Variants in TRIM2 observed in about 807,000 individuals in gnomAD.
TRIM2 encodes the protein tripartite motif-containing protein 2.
In TRIM2, 20 loss-of-function variants were observed where a neutral mutation model predicts 75.2. The observed-to-expected ratio is 0.27, with a 90% confidence interval of 0.19 to 0.39. The LOEUF is 0.39. Among genes scored for constraint, TRIM2 ranks in the 10% least tolerant of loss-of-function variants. The pLI, the probability that TRIM2 is intolerant of heterozygous loss-of-function variation, is 1.00. For synonymous variants in TRIM2, 373 were observed against 388.3 expected (o/e 0.96, Z 0.46); for missense variants, 660 against 990.8 (o/e 0.67, Z 4.48).
intron 1 of TRIM2, among the ~76,000 whole-genome samples, chr4:153,220,549 G>T (rs530955615): frequency 1.5e-4 from 23 of 152,296 alleles, no homozygotes; most frequent in African/African-American, 5.5e-4. Flanking sequence ...CATCCAGAAT[G>T]TGAGAACTCA....
At chr4:153,328,478 T>A in intron 10 of TRIM2, 52 bp from the exon 11 acceptor site, 1 of 1,499,976 alleles carries the variant, frequency 6.7e-7, no homozygotes, top group Non-Finnish European at 9.1e-7. Context: ...TCCATCATGT[T>A]GGTTCAAGTA....
At chr4:153,276,246 A>T in intron 3 of TRIM2, 116 bp downstream of exon 3, 1 of 877,710 alleles carries the variant, frequency 1.1e-6, no homozygotes, top group Non-Finnish European at 1.8e-6. Flanking sequence ...AAAAATCAGT[A>T]ATTAAAAAAG....
At chr4:153,312,447 C>A (rs990792541) in intron 6 of TRIM2, among the ~76,000 whole-genome samples, 7 of 152,014 alleles carry the variant, frequency 4.6e-5, no homozygotes, top group Middle Eastern at 3.2e-3. Context: ...CCAAAAAACA[C>A]ATGAAAAAAT....
chr4:153,216,718 G>A (rs1268258771), intron 1 of TRIM2, among the ~76,000 whole-genome samples: 1 of 152,162 alleles, frequency 6.6e-6, no homozygotes, highest in Admixed American at 6.6e-5. Context: ...CAGGAGGTTT[G>A]GTGTCTGCTG....
intron 1 of TRIM2, among the ~76,000 whole-genome samples, chr4:153,263,057 A>G (rs1365253382): frequency 2.0e-5 from 3 of 152,196 alleles, no homozygotes; most frequent in Admixed American, 6.5e-5. Flanking sequence ...GAGGCTGGGC[A>G]TGGTGGTTCA....
rs1269560660 is a variant in TRIM2, at chr4:153,276,364, A to G, written c.453+234A>G. On this transcript the variant is annotated intron_variant, in intron 3 of 11. Coordinates refer to ENST00000338700, the MANE Select transcript of TRIM2 (RefSeq NM_015271.5). ...CTTCACACATATTGTTGGTATCCCC[A>G]GGACAGCAAACCAGTAGCTATTTGC... 1.3e-5 allele frequency: 7 copies of G among 559,614 alleles called. No homozygotes were observed. In the East Asian group the frequency reaches 1.7e-4, roughly 13 times the overall value. 34.7% of individuals were successfully genotyped at this position (559,614 alleles called of 1,614,324 possible). A position where few individuals can be genotyped will look rare whatever the true frequency, so the allele number is the denominator to read the frequency against.
chr4:153,200,486 T>A (rs941109817), upstream of TRIM2, among the ~76,000 whole-genome samples: 4 of 152,226 alleles, frequency 2.6e-5, no homozygotes, highest in African/African-American at 9.6e-5. Context: ...ATAGTGCTGC[T>A]ATGAATATGG....
At chr4:153,284,400 C>T (rs548317184) in intron 3 of TRIM2, among the ~76,000 whole-genome samples, 7 of 151,576 alleles carry the variant, frequency 4.6e-5, no homozygotes, top group Admixed American at 2.6e-4. Flanking sequence ...ATGGGGTTTC[C>T]GCTGTGTTGG....
intron 1 of TRIM2, among the ~76,000 whole-genome samples, chr4:153,231,619 T>C (rs1743641542): frequency 6.6e-6 from 1 of 152,142 alleles, no homozygotes; most frequent in Admixed American, 6.5e-5. Flanking sequence ...GGATCTTCAG[T>C]GCCTATTGGA....
intron 1 of TRIM2, among the ~76,000 whole-genome samples, chr4:153,232,204 A>C (rs1261125956): frequency 6.6e-6 from 1 of 152,204 alleles, no homozygotes; most frequent in Non-Finnish European, 1.5e-5. Context: ...ATTCAACTCT[A>C]ACAGCCACCT....
Position 153,155,147 on chromosome 4 carries a change from A to G in TRIM2, c.-49+1877A>G, listed in dbSNP as rs150222819. ...AGGGTGAGACTCCGTCTCAAAAAAA[A>G]AGAAAGAAAGAAAAAATGTGTCCCA... On this transcript the variant is annotated intron_variant, in intron 1 of 11. Coordinates refer to the TRIM2 transcript ENST00000437508. Among the ~76,000 whole-genome samples, 46 of 152,322 alleles carry G rather than the reference A, an allele frequency of 3.0e-4. 1 individual carries two copies. Among genetic ancestry groups the G allele is most frequent in the Middle Eastern group, 6.8e-3 (2 of 294 alleles).
At chr4:153,298,440 A>G (rs1275198482) in intron 6 of TRIM2, among the ~76,000 whole-genome samples, 1 of 152,116 alleles carries the variant, frequency 6.6e-6, no homozygotes, top group African/African-American at 2.4e-5. Flanking sequence ...GTCCTCACAT[A>G]GTCATCTCTT....
chr4:153,321,667 A>G (rs1453387710), intron 8 of TRIM2, among the ~76,000 whole-genome samples: 1 of 152,170 alleles, frequency 6.6e-6, no homozygotes, highest in Admixed American at 6.5e-5. Flanking sequence ...CCCTGAGTAC[A>G]CAATGGTGAA....
At chr4:153,292,048 G>T (rs1002124410) in intron 3 of TRIM2, among the ~76,000 whole-genome samples, 1 of 152,200 alleles carries the variant, frequency 6.6e-6, no homozygotes, top group African/African-American at 2.4e-5. Flanking sequence ...AGTTCTCAAA[G>T]TGTGGTCCAG....
intron 1 of TRIM2, among the ~76,000 whole-genome samples, chr4:153,222,006 AGAAG>A (rs1409192705): frequency 7.0e-5 from 3 of 42,890 alleles, no homozygotes; most frequent in African/African-American, 1.5e-4. Flanking sequence ...AAGGAAGGAA[AGAAG>A]GAAGGAAAGA....
chr4:153,286,244 G>T (rs1160109539), intron 3 of TRIM2, among the ~76,000 whole-genome samples: 2 of 152,034 alleles, frequency 1.3e-5, no homozygotes, highest in East Asian at 1.9e-4. Context: ...ATTTTATTAA[G>T]AATTTTTTCA....
At chr4:153,184,167 A>T (rs1732355228) in intron 1 of TRIM2, among the ~76,000 whole-genome samples, 1 of 152,170 alleles carries the variant, frequency 6.6e-6, no homozygotes, top group Non-Finnish European at 1.5e-5. Context: ...CTGCCATAGC[A>T]AAATACCATG....
At chr4:153,306,454 G>A (rs1390923227) in intron 6 of TRIM2, among the ~76,000 whole-genome samples, 1 of 152,186 alleles carries the variant, frequency 6.6e-6, no homozygotes, top group East Asian at 1.9e-4. Context: ...GCAGTTTGCA[G>A]TATAGGTTTG....
chr4:153,212,466 TAAA>T (rs763942852), intron 1 of TRIM2, among the ~76,000 whole-genome samples: 11 of 152,148 alleles, frequency 7.2e-5, no homozygotes, highest in Admixed American at 1.3e-4. Context: ...ATGAGTACAC[TAAA>T]AGCCCAGACT....
Sources: gnomAD v4.1 joint callset for allele counts (sites outside exome capture counted in the v4.1 genomes callset) on GRCh38, gnomAD v4.1.1 for gene constraint, MANE v1.5 for transcripts, NCBI Gene and HGNC (gene_info 2026-07-23, HGNC 2026-07-21) for gene names.